The following SRGAP2B variants were observed in gnomAD, a reference collection of about 807,000 sequenced individuals.
SRGAP2B encodes SLIT-ROBO Rho GTPase activating protein 2B, also known as SLIT-ROBO Rho GTPase-activating protein 2B.
Under a neutral mutation model 22.2 loss-of-function variants are expected in SRGAP2B, and 9 were observed. The ratio of observed to expected loss-of-function variants is 0.41; its 90% CI spans 0.24 to 0.71. SRGAP2B has a LOEUF of 0.71. SRGAP2B is among the 30% of genes least tolerant of loss of function. SRGAP2B has a pLI of 0.35. For synonymous variants in SRGAP2B, 36 were observed against 87.4 expected (o/e 0.41, Z 3.28); for missense variants, 114 against 235.8 (o/e 0.48, Z 3.38).
At chr1:144,944,676 T>C (rs765925712) in intron 4 of SRGAP2B, among the ~76,000 whole-genome samples, 2 of 139,556 alleles carry the variant, frequency 1.4e-5, no homozygotes, top group Non-Finnish European at 3.1e-5. Context: ...AAAGAAAGAA[T>C]TGGTTGTTTT....
At chr1:145,002,551 A>G (rs1298834091) in intron 2 of SRGAP2B, among the ~76,000 whole-genome samples, 2 of 139,640 alleles carry the variant, frequency 1.4e-5, no homozygotes, top group African/African-American at 2.9e-5. Flanking sequence ...CCTCATCTCA[A>G]AAAGATAAAA....
chr1:145,022,563 G>A (rs1413179021), intron 2 of SRGAP2B, among the ~76,000 whole-genome samples: 1 of 146,878 alleles, frequency 6.8e-6, no homozygotes, highest in Non-Finnish European at 1.5e-5. Flanking sequence ...TGACCAAAGG[G>A]AACATCTGAG....
At chr1:144,966,202 A>G (rs1314158602) in intron 3 of SRGAP2B, among the ~76,000 whole-genome samples, 3 of 149,332 alleles carry the variant, frequency 2.0e-5, no homozygotes, top group Non-Finnish European at 2.9e-5. Context: ...GATTCACCAA[A>G]GTTGAAATGA....
At chr1:144,955,217 T>C (rs1553610040) in intron 4 of SRGAP2B, among the ~76,000 whole-genome samples, 1 of 150,112 alleles carries the variant, frequency 6.7e-6, no homozygotes, top group East Asian at 2.0e-4. Flanking sequence ...GCCTATGAAG[T>C]GGGCCAATAA....
intron 3 of SRGAP2B, among the ~76,000 whole-genome samples, chr1:144,973,240 T>C (rs1374291149): frequency 3.4e-5 from 5 of 148,026 alleles, no homozygotes; most frequent in African/African-American, 1.3e-4. Flanking sequence ...GCTTGTAGTA[T>C]AAAATATGGA....
At chr1:145,020,630 T>G (rs1361832074) in intron 2 of SRGAP2B, among the ~76,000 whole-genome samples, 1 of 148,116 alleles carries the variant, frequency 6.8e-6, no homozygotes, top group Non-Finnish European at 1.5e-5. Flanking sequence ...GAGATCTTTA[T>G]TGTATTGACT....
chr1:145,021,068 C>CA lies in SRGAP2B; in HGVS notation c.68-25869dup, dbSNP rs1461692925. ...AAGTGATCTGTCCGTCTCAGCATCC[C>CA]AAAGTGCTGGGATTACAGGCAAGAG... On this transcript the variant is annotated intron_variant, in intron 2 of 9. Coordinates refer to ENST00000612199, the Ensembl canonical transcript of SRGAP2B. Among the ~76,000 whole-genome samples the CA allele has an allele frequency of 4.8e-4, 72 of 150,792 alleles. 4 individuals carry two copies. The highest frequency in any genetic ancestry group is 1.7e-3 in the African/African-American group (70 of 40,272).
At chr1:144,911,950 C>CTT (rs1175957935) in intron 5 of SRGAP2B, among the ~76,000 whole-genome samples, 21 of 112,878 alleles carry the variant, frequency 1.9e-4, no homozygotes, top group Middle Eastern at 5.1e-3. Context: ...TTTCCTTTTT[C>CTT]TTTTTTTTTT....
At chr1:144,920,136 A>T (rs1664122877) in intron 4 of SRGAP2B, among the ~76,000 whole-genome samples, 1 of 150,940 alleles carries the variant, frequency 6.6e-6, no homozygotes. Flanking sequence ...TGATTGGTGC[A>T]TTTACAATCC....
intron 3 of SRGAP2B, among the ~76,000 whole-genome samples, chr1:144,973,906 G>A (rs1570899972): frequency 7.1e-6 from 1 of 141,742 alleles, no homozygotes; most frequent in South Asian, 2.3e-4. Context: ...ACCCCCCAGT[G>A]ATAAAGTCAA....
chr1:145,030,500 A>G (rs1383631944), intron 2 of SRGAP2B, among the ~76,000 whole-genome samples: 1 of 95,520 alleles, frequency 1.0e-5, no homozygotes, highest in Non-Finnish European at 2.0e-5. Flanking sequence ...GGAACTGAAC[A>G]ATGAGAACAC....
chr1:145,075,959 G>A lies in SRGAP2B; in HGVS notation c.67+16876C>T, dbSNP rs184856982. On this transcript the variant is annotated intron_variant, in intron 2 of 9. Transcript: ENST00000612199. ...AAAAATTGGCCCAGCGTGGTGGCAC[G>A]CACCTATAATCCCAGTTACTTGGGA... Among the ~76,000 whole-genome samples, 8 of 149,748 alleles carry A rather than the reference G, an allele frequency of 5.3e-5. No individual in the cohort carries two copies. The East Asian group carries it at 1.4e-3, about 26-fold the overall frequency.
At chr1:144,988,999 CTTTTTT>C (rs3062880) in intron 3 of SRGAP2B, among the ~76,000 whole-genome samples, 7 of 55,104 alleles carry the variant, frequency 1.3e-4, no homozygotes, top group Non-Finnish European at 1.8e-4. Context: ...ACTCCCCCCA[CTTTTTT>C]TTTTTTTTTT....
At chr1:145,025,025 C>T (rs1353649266) in intron 2 of SRGAP2B, among the ~76,000 whole-genome samples, 11 of 143,698 alleles carry the variant, frequency 7.7e-5, no homozygotes, top group Non-Finnish European at 1.5e-4. Flanking sequence ...CACCCACAGA[C>T]GGATTTTTAC....
intron 3 of SRGAP2B, among the ~76,000 whole-genome samples, chr1:144,965,678 G>A (rs1270783940): frequency 2.4e-5 from 3 of 124,544 alleles, no homozygotes; most frequent in East Asian, 2.2e-4. Context: ...GGCTTCAGAC[G>A]ATCAAATTAC....
At chr1:144,968,778 A>G (rs1668270853) in intron 3 of SRGAP2B, among the ~76,000 whole-genome samples, 1 of 108,306 alleles carries the variant, frequency 9.2e-6, no homozygotes, top group Non-Finnish European at 1.8e-5. Context: ...TTAAGCTGAT[A>G]AGCAACTTCA....
At chr1:145,081,469 C>A (rs1553634711) in intron 2 of SRGAP2B, among the ~76,000 whole-genome samples, 2 of 150,240 alleles carry the variant, frequency 1.3e-5, no homozygotes, top group Non-Finnish European at 3.0e-5. Context: ...AGAACCCAAG[C>A]TTTCTGCCTC....
At chr1:145,016,796 A>G (rs1553623206) in intron 2 of SRGAP2B, among the ~76,000 whole-genome samples, 3 of 149,036 alleles carry the variant, frequency 2.0e-5, no homozygotes, top group Non-Finnish European at 1.5e-5. Context: ...ATCAATGAGA[A>G]TGTAAAAGCA....
intron 2 of SRGAP2B, among the ~76,000 whole-genome samples, chr1:145,092,012 G>A (rs1283883340): frequency 2.0e-5 from 3 of 149,560 alleles, no homozygotes; most frequent in Non-Finnish European, 4.4e-5. Context: ...TAGATGAGAA[G>A]ACAGGTCACT....
Sources: allele counts gnomAD v4.1 joint callset (sites outside exome capture counted in the v4.1 genomes callset), GRCh38; gene constraint gnomAD v4.1.1; transcripts MANE v1.5; gene names NCBI Gene and HGNC (gene_info 2026-07-23, HGNC 2026-07-21).